The following KCNQ1OT1 variants were observed in gnomAD, a reference collection of about 807,000 sequenced individuals.
KCNQ1OT1 encodes the protein KCNQ1 opposite strand/antisense transcript 1.
At position 2,673,007 on chromosome 11, in the gene KCNQ1OT1, A is replaced by G. The variant is rs1005134647; in HGVS notation, n.26988T>C. Reference sequence around the variant, plus strand: ...TGCCTAAAGGAGAAGCCAGTGAATCAATGTGTTACTTGAACAAATATAGGG... The same window carrying G: ...TGCCTAAAGGAGAAGCCAGTGAATCGATGTGTTACTTGAACAAATATAGGG... On this transcript the variant is annotated non_coding_transcript_exon_variant, in exon 1 of 1. Transcript: ENST00000597346. The surrounding 1 kb of genome is among the most constrained non-coding windows in gnomAD (Gnocchi z 4.5). 11 of 398,594 alleles carry G rather than the reference A, an allele frequency of 2.8e-5. No homozygotes were observed. The highest frequency in any genetic ancestry group is 4.9e-5 in the Non-Finnish European group (11 of 226,112). 24.7% of individuals were successfully genotyped at this position (398,594 alleles called of 1,614,324 possible). A position where few individuals can be genotyped will look rare whatever the true frequency, so the allele number is the denominator to read the frequency against.
In KCNQ1OT1 at chr11:2,682,917, A is replaced by G; in HGVS notation, n.17078T>C. ...CCAGACAGAAAATGGTGGCACCTGGAGAGGTGCTCAGGTCTGTGTGGAAGA... is the reference window on the plus strand; with the variant it reads ...CCAGACAGAAAATGGTGGCACCTGGGGAGGTGCTCAGGTCTGTGTGGAAGA... On this transcript the variant is annotated non_coding_transcript_exon_variant, in exon 1 of 1. Transcript: ENST00000597346. The surrounding 1 kb of genome is among the most constrained non-coding windows in gnomAD (Gnocchi z 5.8). 2.5e-6 allele frequency: 1 copy of G among 398,588 alleles called. No individual in the cohort carries two copies. The highest frequency in any genetic ancestry group is 4.4e-6 in the Non-Finnish European group (1 of 226,088). The allele number at this position is 398,588 out of a possible 1,614,324, so 24.7% of individuals were successfully genotyped here.
Position 2,659,431 on chromosome 11 carries a change from CATT to C in KCNQ1OT1, n.40561_40563del, listed in dbSNP as rs1396841700. 2.5e-6 allele frequency: 1 copy of C among 398,582 alleles called. No homozygotes were observed. The highest frequency in any genetic ancestry group is 4.4e-6 in the Non-Finnish European group (1 of 226,024). 24.7% of individuals were successfully genotyped at this position (398,582 alleles called of 1,614,324 possible). A position where few individuals can be genotyped will look rare whatever the true frequency, so the allele number is the denominator to read the frequency against. ...GATTCATCCATGTTGTTGCATAAAT[CATT>C]AGTTAATTTCTTTTTATTGCTGGGT... is the stretch of plus-strand genomic sequence containing the variant. On this transcript the variant is annotated non_coding_transcript_exon_variant, in exon 1 of 1. Coordinates refer to ENST00000597346, the Ensembl canonical transcript of KCNQ1OT1. This position sits in a 1 kb window ranked among gnomAD's most constrained non-coding sequence, Gnocchi z 4.3.
Position 2,647,992 on chromosome 11 carries a change from T to A in KCNQ1OT1, n.52003A>T, listed in dbSNP as rs1285476133. The stretch of plus-strand genomic sequence containing the variant: ...ACTTTGGAAGGCCAAGGCAGGCCGA[T>A]CGCTTGAGTCCAGGAGTTTGAGACC... On this transcript the variant is annotated non_coding_transcript_exon_variant, in exon 1 of 1. Coordinates refer to ENST00000597346, the Ensembl canonical transcript of KCNQ1OT1. This position sits in a 1 kb window ranked among gnomAD's most constrained non-coding sequence, Gnocchi z 4.0. The A allele has an allele frequency of 1.8e-5, 7 of 397,224 alleles. No individual in the cohort carries two copies. Among genetic ancestry groups the A allele is most frequent in the Non-Finnish European group, 2.7e-5 (6 of 225,996 alleles). The allele number at this position is 397,224 out of a possible 1,614,324, so 24.6% of individuals were successfully genotyped here.
In KCNQ1OT1 at chr11:2,670,174, G is replaced by A; in HGVS notation, n.29821C>T. On this transcript the variant is annotated non_coding_transcript_exon_variant, in exon 1 of 1. Coordinates refer to ENST00000597346, the Ensembl canonical transcript of KCNQ1OT1. This position sits in a 1 kb window ranked among gnomAD's most constrained non-coding sequence, Gnocchi z 4.9. Reference sequence around the variant, plus strand: ...CTGTCGGGCCCATCTGCCAAGGCAAGCACCCACATTAAAGCAGAGTGAAGA... The same window carrying A: ...CTGTCGGGCCCATCTGCCAAGGCAAACACCCACATTAAAGCAGAGTGAAGA... 2.5e-6 allele frequency: 1 copy of A among 398,658 alleles called. No individual in the cohort carries two copies. Among genetic ancestry groups the A allele is most frequent in the Non-Finnish European group, 4.4e-6 (1 of 226,102 alleles). The allele number at this position is 398,658 out of a possible 1,614,324, so 24.7% of individuals were successfully genotyped here.
chr11:2,635,556 C>A (rs1423274669), exon 1 of KCNQ1OT1: 2 of 152,146 alleles, frequency 1.3e-5, no homozygotes, highest in Non-Finnish European at 2.9e-5. Flanking sequence ...TGTTTTGGTA[C>A]CAGTACCATG....
exon 1 of KCNQ1OT1, chr11:2,610,094 C>T: frequency 5.0e-6 from 2 of 397,794 alleles, no homozygotes; most frequent in Non-Finnish European, 8.9e-6. Flanking sequence ...CTCTATTTCT[C>T]CTTTGCTGCT....
chr11:2,629,247 T>C, exon 1 of KCNQ1OT1: 1 of 398,380 alleles, frequency 2.5e-6, no homozygotes, highest in Admixed American at 4.4e-5. Flanking sequence ...TTCCATTTAT[T>C]TGTATCATCT....
Position 2,669,020 on chromosome 11 carries a change from C to G in KCNQ1OT1, n.30975G>C. 2 of 398,626 alleles carry G rather than the reference C, an allele frequency of 5.0e-6. No individual in the cohort carries two copies. The highest frequency in any genetic ancestry group is 8.8e-6 in the Non-Finnish European group (2 of 226,088). 24.7% of individuals were successfully genotyped at this position (398,626 alleles called of 1,614,324 possible). On this transcript the variant is annotated non_coding_transcript_exon_variant, in exon 1 of 1. Coordinates refer to ENST00000597346, the Ensembl canonical transcript of KCNQ1OT1. The surrounding 1 kb of genome is among the most constrained non-coding windows in gnomAD (Gnocchi z 5.6). ...TCCACTCTTCCCCTACTTGGATATC[C>G]AGTCTAGCTCAGCACCCGGCATGGG...
chr11:2,671,295 A>G lies in KCNQ1OT1; in HGVS notation n.28700T>C, dbSNP rs1850179130. ...CCCCTTAGCCTCTGATCTTCTCCAT[A>G]AGTAATCTTTTCCCATGTGTGGCTG... On this transcript the variant is annotated non_coding_transcript_exon_variant, in exon 1 of 1. Coordinates refer to ENST00000597346, the Ensembl canonical transcript of KCNQ1OT1. The surrounding 1 kb of genome is among the most constrained non-coding windows in gnomAD (Gnocchi z 4.7). 2.5e-6 allele frequency: 1 copy of G among 398,552 alleles called. No homozygotes were observed. Among genetic ancestry groups the G allele is most frequent in the East Asian group, 3.6e-5 (1 of 28,060 alleles). The allele number at this position is 398,552 out of a possible 1,614,324, so 24.7% of individuals were successfully genotyped here.
rs1388327162 is a variant in KCNQ1OT1 at position 2,617,715 on chromosome 11, T to A, written n.82280A>T. The stretch of plus-strand genomic sequence containing the variant: ...GAGTTCCCTAACCCTAGCCAACACT[T>A]AATAGCTATTCTCATGAGTGTGAGG... On this transcript the variant is annotated non_coding_transcript_exon_variant, in exon 1 of 1. Coordinates refer to ENST00000597346, the Ensembl canonical transcript of KCNQ1OT1. The surrounding 1 kb of genome is among the most constrained non-coding windows in gnomAD (Gnocchi z 4.6). 9 of 398,420 alleles carry A rather than the reference T, an allele frequency of 2.3e-5. No homozygotes were observed. Among genetic ancestry groups the A allele is most frequent in the African/African-American group, 4.1e-5 (2 of 48,626 alleles). 24.7% of individuals were successfully genotyped at this position (398,420 alleles called of 1,614,324 possible). A position where few individuals can be genotyped will look rare whatever the true frequency, so the allele number is the denominator to read the frequency against.
chr11:2,693,585 A>C (rs1850624546), exon 1 of KCNQ1OT1: 1 of 398,514 alleles, frequency 2.5e-6, no homozygotes, highest in South Asian at 1.3e-4. Flanking sequence ...TTCTTCCATA[A>C]ATGAGGCCAC....
chr11:2,688,431 C>G (rs1162024003), exon 1 of KCNQ1OT1: 2 of 398,640 alleles, frequency 5.0e-6, no homozygotes, highest in African/African-American at 4.1e-5. Flanking sequence ...GGCCCCAGCC[C>G]CTGCCTGTGC....
chr11:2,680,785 T>A, exon 1 of KCNQ1OT1: 1 of 157,964 alleles, frequency 6.3e-6, no homozygotes, highest in African/African-American at 2.5e-5. Flanking sequence ...TTCTTTATCA[T>A]TCCAAGAAAA....
chr11:2,619,429 TC>T (rs1849126797), exon 1 of KCNQ1OT1: 2 of 398,606 alleles, frequency 5.0e-6, no homozygotes, highest in Non-Finnish European at 8.8e-6. Flanking sequence ...ATTGAGATGA[TC>T]ATGTGGTTTT....
exon 1 of KCNQ1OT1, chr11:2,618,876 C>A (rs1240906083): frequency 2.5e-6 from 1 of 398,080 alleles, no homozygotes; most frequent in African/African-American, 2.1e-5. Flanking sequence ...TCATAGTTTT[C>A]AGTGTACAGG....
chr11:2,608,537 G>A lies in KCNQ1OT1; in HGVS notation n.91458C>T, dbSNP rs1297002521. 6 of 398,450 alleles carry A rather than the reference G, an allele frequency of 1.5e-5. No homozygotes were observed. The highest frequency in any genetic ancestry group is 2.2e-5 in the Non-Finnish European group (5 of 226,076). The allele number at this position is 398,450 out of a possible 1,614,324, so 24.7% of individuals were successfully genotyped here. ...GTTGCCCAGGCTGGAATAGAGTGGT[G>A]TAATCATAGCTCACTGTAACCTCGA... On this transcript the variant is annotated non_coding_transcript_exon_variant, in exon 1 of 1. Transcript: ENST00000597346. The surrounding 1 kb of genome is among the most constrained non-coding windows in gnomAD (Gnocchi z 4.6).
At chr11:2,662,538 G>A (rs957258892) in exon 1 of KCNQ1OT1, 27 of 427,560 alleles carry the variant, frequency 6.3e-5, no homozygotes, top group Non-Finnish European at 9.1e-5. Flanking sequence ...GATTTTCCAC[G>A]CCTTCCAGTT....
Position 2,650,213 on chromosome 11 carries a change from C to A in KCNQ1OT1, n.49782G>T, listed in dbSNP as rs186695371. 491 of 398,340 alleles carry A rather than the reference C, an allele frequency of 1.2e-3. No individual in the cohort carries two copies. The highest frequency in any genetic ancestry group is 1.7e-3 in the Non-Finnish European group (391 of 226,018). 24.7% of individuals were successfully genotyped at this position (398,340 alleles called of 1,614,324 possible). ...TGTTTTCCTGATATGTTTGTATTGT[C>A]TATTTGTGTTCTCTTGTATCTCATT... On this transcript the variant is annotated non_coding_transcript_exon_variant, in exon 1 of 1. Transcript: ENST00000597346.
At chr11:2,649,728 T>A (rs1849728741) in exon 1 of KCNQ1OT1, 1 of 398,562 alleles carries the variant, frequency 2.5e-6, no homozygotes, top group African/African-American at 2.1e-5. Flanking sequence ...TTTTTTAAAT[T>A]CTCTCTTTGA....
Sources: gnomAD v4.1 joint callset for allele counts on GRCh38, gnomAD v4.1.1 for gene constraint, Gnocchi (gnomAD v3.1) non-coding constraint, MANE v1.5 for transcripts, NCBI Gene and HGNC (gene_info 2026-07-23, HGNC 2026-07-21) for gene names.